Variants in DNAH7 observed in about 807,000 individuals in gnomAD.
DNAH7 encodes axonemal beta dynein heavy chain 7.
A neutral mutation model predicts 444.6 loss-of-function variants in DNAH7; 397 were observed. The observed-to-expected ratio is 0.89, with a 90% CI of 0.82 to 0.97. The LOEUF is 0.97. Ranked by LOEUF, DNAH7 falls within the 50% of genes least tolerant of loss-of-function variation. The probability of loss-of-function intolerance (pLI) is 0.00; values close to 1 mark genes in which losing one functional copy is unlikely to be tolerated. For synonymous variants in DNAH7, 1,636 were observed against 1,624.4 expected, an observed-to-expected ratio of 1.01 and a Z score of -0.17; for missense variants, 4,902 against 4,800.8, an observed-to-expected ratio of 1.02 and a Z score of -0.62.
intron 46 of DNAH7, among the ~76,000 whole-genome samples, chr2:195,850,285 GAA>G (rs752727865): frequency 7.3e-6 from 1 of 137,696 alleles, no homozygotes; most frequent in Non-Finnish European, 1.6e-5. Context: ...ATAAGGTCAT[GAA>G]AAAAAAAAAA....
At chr2:195,971,944 C>T (rs1209128122) in intron 16 of DNAH7, among the ~76,000 whole-genome samples, 1 of 152,132 alleles carries the variant, frequency 6.6e-6, no homozygotes, top group Non-Finnish European at 1.5e-5. Context: ...AAGATAAATA[C>T]TATTTTTATT....
chr2:195,764,027 T>C (rs1187001557), intron 61 of DNAH7, among the ~76,000 whole-genome samples: 1 of 151,680 alleles, frequency 6.6e-6, no homozygotes, highest in African/African-American at 2.4e-5. Context: ...AATTCAACAA[T>C]ACATTCATCA....
At chr2:196,019,707 T>C (rs967174311) in intron 8 of DNAH7, among the ~76,000 whole-genome samples, 3 of 152,212 alleles carry the variant, frequency 2.0e-5, no homozygotes, top group Non-Finnish European at 2.9e-5. Flanking sequence ...TTTTTATTTT[T>C]AAAACATTTT....
chr2:195,787,887 A>C (rs1030517304), intron 57 of DNAH7, among the ~76,000 whole-genome samples: 4 of 152,126 alleles, frequency 2.6e-5, no homozygotes, highest in African/African-American at 9.7e-5. Flanking sequence ...GTGTGGGCTG[A>C]GAATGGGAGC....
chr2:195,790,205 T>G (rs533436416), intron 57 of DNAH7, among the ~76,000 whole-genome samples: 1 of 152,272 alleles, frequency 6.6e-6, no homozygotes, highest in East Asian at 1.9e-4. Context: ...AAACACTCCA[T>G]GCTCATGGAC....
intron 54 of DNAH7, among the ~76,000 whole-genome samples, chr2:195,804,862 G>A (rs1002898427): frequency 2.0e-5 from 3 of 152,026 alleles, no homozygotes; most frequent in African/African-American, 7.3e-5. Context: ...AAGTAAAATG[G>A]GGAAACTGTA....
chr2:196,036,398 A>G (rs1037194815), intron 5 of DNAH7, among the ~76,000 whole-genome samples: 4 of 152,144 alleles, frequency 2.6e-5, no homozygotes, highest in Non-Finnish European at 5.9e-5. Flanking sequence ...ATAGCATGGC[A>G]TTGGCTGAAC....
chr2:195,775,805 T>A lies in DNAH7; in HGVS notation c.11202+41A>T, dbSNP rs761302033. 9 of 1,591,462 alleles carry A rather than the reference T, an allele frequency of 5.7e-6. No homozygotes were observed. The Admixed American group carries it at 1.4e-4, about 25-fold the overall frequency. On this transcript the variant is annotated intron_variant, in intron 60 of 64. Coordinates refer to ENST00000312428, the MANE Select transcript of DNAH7 (RefSeq NM_018897.3). ...TGGCACACGTGCCTGGGGAGCATCCTTCCCAGGCCTCAGAATCCAGGTCCT... is the reference window on the plus strand; with the variant it reads ...TGGCACACGTGCCTGGGGAGCATCCATCCCAGGCCTCAGAATCCAGGTCCT...
intron 12 of DNAH7, among the ~76,000 whole-genome samples, chr2:195,990,668 A>G (rs961432314): frequency 2.0e-5 from 3 of 151,420 alleles, no homozygotes; most frequent in Admixed American, 2.0e-4. Context: ...CGAAAAAAAA[A>G]GTTATTGTAG....
Position 196,000,828 on chromosome 2 carries a change from T to C in DNAH7, c.1229A>G (p.Asn410Ser), listed in dbSNP as rs368243766. 18 of 1,607,490 alleles carry C rather than the reference T, an allele frequency of 1.1e-5. No individual in the cohort carries two copies. The highest frequency in any genetic ancestry group is 1.5e-5 in the Non-Finnish European group (18 of 1,176,866). The change falls in exon 12 of 65, where the codon AAT (asparagine) becomes AGT (serine). Residue 410 changes from asparagine to serine, a missense_variant. Physicochemically the swap from Asn to Ser is conservative, Grantham distance 46. Transcript: ENST00000312428. ...PGFIMRLILD[N>S]DTIKFEPELS... ...CTCAGGTTCAAACTTAATGGTGTCATTATCAAGAATCAGCCTCATGATGAA... is the reference window on the plus strand; with the variant it reads ...CTCAGGTTCAAACTTAATGGTGTCACTATCAAGAATCAGCCTCATGATGAA...
chr2:195,907,864 G>A (rs531799277), intron 25 of DNAH7, among the ~76,000 whole-genome samples: 1 of 152,096 alleles, frequency 6.6e-6, no homozygotes, highest in Admixed American at 6.6e-5. Context: ...CTCATTAGTT[G>A]GAGAAGACCC....
chr2:195,799,374 G>C lies in DNAH7; in HGVS notation c.10275C>G (p.Asn3425Lys). 1 of 1,612,804 alleles carries C rather than the reference G, an allele frequency of 6.2e-7. No homozygotes were observed. Among genetic ancestry groups the C allele is most frequent in the African/African-American group, 1.3e-5 (1 of 74,996 alleles). ...FDLAKAFGDS[N>K]CCAPLIFVLS... Reference sequence around the variant, plus strand: ...GCACGAAAATCAGTGGTGCACAGCAGTTACTGTCTCCAAATGCCTTGGCTA... The same window carrying C: ...GCACGAAAATCAGTGGTGCACAGCACTTACTGTCTCCAAATGCCTTGGCTA... The change falls in exon 55 of 65, where the codon AAC becomes AAG. Residue 3425 changes from asparagine (N) to lysine (K), a missense_variant. Transcript: ENST00000312428.
intron 12 of DNAH7, among the ~76,000 whole-genome samples, chr2:195,990,891 TTA>T (rs1491166215): frequency 1.5e-5 from 2 of 129,232 alleles, no homozygotes; most frequent in East Asian, 4.6e-4. Context: ...ACATATATAC[TTA>T]TATACATATA....
Position 195,876,719 on chromosome 2 carries a change from A to G in DNAH7, c.5962-20T>C, listed in dbSNP as rs867255737. 4.0e-6 allele frequency: 6 copies of G among 1,483,772 alleles called. 1 individual carries two copies. The African/African-American group carries it at 4.2e-5, about 11-fold the overall frequency. The allele number at this position is 1,483,772 out of a possible 1,614,324, so 91.9% of individuals were successfully genotyped here. A position where few individuals can be genotyped will look rare whatever the true frequency, so the allele number is the denominator to read the frequency against. On this transcript the variant is annotated intron_variant, in intron 36 of 64. Coordinates refer to ENST00000312428, the MANE Select transcript of DNAH7 (RefSeq NM_018897.3). ...AAAATTCTATATAACAAAATAATAA[A>G]ATGAGCCATAGTTGGAATTATGTTT...
At chr2:196,063,835 C>A (rs1698267687) in intron 1 of DNAH7, 1 of 152,226 alleles carries the variant, frequency 6.6e-6, no homozygotes, top group African/African-American at 2.4e-5. Flanking sequence ...CCTTCTGCAA[C>A]TTTTCATATT....
chr2:195,830,519 A>T (rs1046009350), intron 48 of DNAH7, among the ~76,000 whole-genome samples: 29 of 152,172 alleles, frequency 1.9e-4, no homozygotes, highest in African/African-American at 6.3e-4. Context: ...GTTACTCAGC[A>T]CCTATCAGGT....
At chr2:195,890,537 C>G (rs1045873035) in intron 31 of DNAH7, among the ~76,000 whole-genome samples, 19 of 152,022 alleles carry the variant, frequency 1.2e-4, no homozygotes, top group Admixed American at 3.3e-4. Context: ...AATAATATAA[C>G]TGTATATATT....
chr2:195,751,540 CATAAA>C (rs1693797358), intron 63 of DNAH7, among the ~76,000 whole-genome samples: 1 of 152,120 alleles, frequency 6.6e-6, no homozygotes, highest in African/African-American at 2.4e-5. Context: ...GAAAGAAATA[CATAAA>C]ATAATTACAG....
At chr2:195,907,067 A>G in intron 25 of DNAH7, 58 bp from the exon 26 acceptor site, 1 of 1,333,176 alleles carries the variant, frequency 7.5e-7, no homozygotes, top group Non-Finnish European at 1.1e-6. Context: ...TTGCAATGAA[A>G]TGTTGTATTT....
Sources: gnomAD v4.1 joint callset for allele counts (sites outside exome capture counted in the v4.1 genomes callset) on GRCh38, gnomAD v4.1.1 for gene constraint, MANE v1.5 for transcripts, NCBI Gene and HGNC (gene_info 2026-07-23, HGNC 2026-07-21) for gene names.